Variants in SLC8A3 observed in about 807,000 individuals in gnomAD.
SLC8A3 encodes the protein sodium/calcium exchanger 3.
SLC8A3 carries 37 observed loss-of-function variants against 65.4 expected under a neutral mutation model. The observed-to-expected ratio is 0.57, with a 90% CI of 0.44 to 0.74. The LOEUF is 0.74. SLC8A3 is among the 30% of genes least tolerant of loss of function. The pLI is 0.00. For missense variants in SLC8A3, 1,112 were observed against 1,172.1 expected (o/e 0.95, Z 0.75); for synonymous variants, 461 against 444.5 (o/e 1.04, Z -0.47).
At chr14:70,176,942 G>T (rs1897944359) in intron 1 of SLC8A3, among the ~76,000 whole-genome samples, 2 of 152,068 alleles carry the variant, frequency 1.3e-5, no homozygotes, top group South Asian at 4.1e-4. Flanking sequence ...TGGCCTCTTT[G>T]TTCATTCACT....
chr14:70,156,771 G>T (rs1156324140), intron 2 of SLC8A3, among the ~76,000 whole-genome samples: 3 of 152,164 alleles, frequency 2.0e-5, no homozygotes, highest in Non-Finnish European at 4.4e-5. Flanking sequence ...GGGAGGGAGA[G>T]CCTCAGGAGT....
chr14:70,184,677 T>A (rs572974982), intron 1 of SLC8A3, among the ~76,000 whole-genome samples: 1 of 152,338 alleles, frequency 6.6e-6, no homozygotes, highest in East Asian at 1.9e-4. Context: ...TCTACTGGCA[T>A]AAATCACTTT....
chr14:70,060,702 AG>A, intron 3 of SLC8A3, 133 bp downstream of exon 3: 1 of 765,156 alleles, frequency 1.3e-6, no homozygotes. Flanking sequence ...TTGGTCAAAA[AG>A]AGAAAGGAGG....
rs1489198916 is a variant in SLC8A3, at chr14:70,044,452, T to G, written c.*1495A>C. 7.1e-6 allele frequency: 1 copy of G among 141,486 alleles called. No homozygotes were observed. Among genetic ancestry groups the G allele is most frequent in the African/African-American group, 2.6e-5 (1 of 38,494 alleles). The allele number at this position is 141,486 out of a possible 1,614,324, so 8.8% of individuals were successfully genotyped here. A position where few individuals can be genotyped will look rare whatever the true frequency, so the allele number is the denominator to read the frequency against. ...ATCCGTGGGCAGTTTCGTGATGACA[T>G]CTTATGTCTGTTTATTTGTGTGTTT... On this transcript the variant is annotated 3_prime_UTR_variant, in exon 7 of 7. Coordinates refer to ENST00000356921, the MANE Select transcript of SLC8A3 (RefSeq NM_182932.3).
rs1886849800 is a variant in SLC8A3 at position 70,046,849 on chromosome 14, G to A, written c.2390-526C>T. Reference sequence around the variant, plus strand: ...ATGGGGACATGCAGGGTGAACTGTGGACTCAAGGAAGACGGGGCTCTGTCT... The same window carrying A: ...ATGGGGACATGCAGGGTGAACTGTGAACTCAAGGAAGACGGGGCTCTGTCT... On this transcript the variant is annotated intron_variant, in intron 6 of 6. Coordinates refer to ENST00000356921, the MANE Select transcript of SLC8A3 (RefSeq NM_182932.3). The surrounding 1 kb of genome is among the most constrained non-coding windows in gnomAD (Gnocchi z 4.2). The A allele has an allele frequency of 6.5e-6, 1 of 154,686 alleles. No individual in the cohort carries two copies. The highest frequency in any genetic ancestry group is 2.4e-5 in the African/African-American group (1 of 41,442). 9.6% of individuals were successfully genotyped at this position (154,686 alleles called of 1,614,324 possible).
chr14:70,126,231 A>G (rs1894432877), intron 2 of SLC8A3, among the ~76,000 whole-genome samples: 1 of 150,744 alleles, frequency 6.6e-6, no homozygotes. Context: ...CAATCAAAAC[A>G]TTGCTTCTTC....
rs1353950876 is a variant in SLC8A3, at chr14:70,045,347, TTC to T, written c.*598_*599del. Reference sequence around the variant, plus strand: ...AGAGCATGTGTCTAAAAATTCATGTTTCTCTCTGTTGGCTCGGACCTGGAATT... The same window carrying T: ...AGAGCATGTGTCTAAAAATTCATGTTTCTCTGTTGGCTCGGACCTGGAATT... On this transcript the variant is annotated 3_prime_UTR_variant, in exon 7 of 7. Coordinates refer to ENST00000356921, the MANE Select transcript of SLC8A3 (RefSeq NM_182932.3). 3.3e-5 allele frequency: 5 copies of T among 152,158 alleles called. No individual in the cohort carries two copies. Among genetic ancestry groups the T allele is most frequent in the African/African-American group, 9.7e-5 (4 of 41,412 alleles). The allele number at this position is 152,158 out of a possible 1,614,324, so 9.4% of individuals were successfully genotyped here. A position where few individuals can be genotyped will look rare whatever the true frequency, so the allele number is the denominator to read the frequency against.
At position 70,167,305 on chromosome 14, in the gene SLC8A3, G is replaced by A; in HGVS notation, c.1118C>T (p.Ala373Val). 1 of 1,614,180 alleles carries A rather than the reference G, an allele frequency of 6.2e-7. No homozygotes were observed. Among genetic ancestry groups the A allele is most frequent in the Non-Finnish European group, 8.5e-7 (1 of 1,180,022 alleles). ...TGAGNILKKH[A>V]AEQAKKASSM... ...GGAGGCCTTCTTGGCTTGTTCTGCT[G>A]CATGTTTCTTCAGGATATTGCCTGC... Residue 373 changes from alanine to valine, a missense_variant, in exon 2 of 7, where the codon GCA becomes GTA. Ala to Val is a moderately conservative substitution (Grantham distance 64). Coordinates refer to ENST00000356921, the MANE Select transcript of SLC8A3 (RefSeq NM_182932.3).
At chr14:70,089,794 A>G (rs568413234) in intron 2 of SLC8A3, among the ~76,000 whole-genome samples, 6 of 151,980 alleles carry the variant, frequency 3.9e-5, no homozygotes, top group Non-Finnish European at 8.8e-5. Context: ...GCTTCTACCA[A>G]TTTTCCCCCA....
chr14:70,137,118 T>G (rs1189356784), intron 2 of SLC8A3, among the ~76,000 whole-genome samples: 1 of 152,076 alleles, frequency 6.6e-6, no homozygotes, highest in South Asian at 2.1e-4. Flanking sequence ...CTAGTTCATA[T>G]TGAGAATATT....
intron 2 of SLC8A3, among the ~76,000 whole-genome samples, chr14:70,147,729 G>A (rs1302864267): frequency 6.6e-6 from 1 of 152,050 alleles, no homozygotes; most frequent in African/African-American, 2.4e-5. Flanking sequence ...ACCTGACCTT[G>A]GAATCCACAC....
intron 2 of SLC8A3, among the ~76,000 whole-genome samples, chr14:70,145,561 C>G (rs1895873032): frequency 6.6e-6 from 1 of 152,218 alleles, no homozygotes; most frequent in Admixed American, 6.5e-5. Flanking sequence ...ACACAGGGTC[C>G]TGCTCCATTT....
chr14:70,127,871 G>C (rs957608544), intron 2 of SLC8A3, among the ~76,000 whole-genome samples: 1 of 152,022 alleles, frequency 6.6e-6, no homozygotes, highest in African/African-American at 2.4e-5. Context: ...CTCCCCTTTG[G>C]TAAGCTCATC....
intron 2 of SLC8A3, among the ~76,000 whole-genome samples, chr14:70,078,765 G>T (rs1890765453): frequency 2.6e-5 from 4 of 152,176 alleles, no homozygotes; most frequent in Admixed American, 1.3e-4. Context: ...AGTCTAGTTT[G>T]TTGGGTTTTA....
intron 2 of SLC8A3, among the ~76,000 whole-genome samples, chr14:70,078,347 C>T (rs1231200493): frequency 6.6e-6 from 1 of 152,194 alleles, no homozygotes; most frequent in East Asian, 1.9e-4. Flanking sequence ...GGTAGCAGAG[C>T]ATTAAAATTA....
At chr14:70,053,764 A>G (rs1460563979) in intron 3 of SLC8A3, among the ~76,000 whole-genome samples, 4 of 151,952 alleles carry the variant, frequency 2.6e-5, no homozygotes, top group African/African-American at 4.8e-5. Context: ...CAAATAACCA[A>G]TCCTCTATCT....
At chr14:70,163,993 T>A (rs552967454) in intron 2 of SLC8A3, among the ~76,000 whole-genome samples, 1 of 152,266 alleles carries the variant, frequency 6.6e-6, no homozygotes, top group South Asian at 2.1e-4. Flanking sequence ...TTACTTAGGG[T>A]CACACAAAGA....
intron 2 of SLC8A3, among the ~76,000 whole-genome samples, chr14:70,073,325 G>T (rs898750988): frequency 6.6e-6 from 1 of 152,002 alleles, no homozygotes. Flanking sequence ...CATATCAGTG[G>T]GTCTGTGAAG....
intron 1 of SLC8A3, among the ~76,000 whole-genome samples, chr14:70,175,391 T>C (rs910115539): frequency 6.6e-6 from 1 of 152,160 alleles, no homozygotes; most frequent in Non-Finnish European, 1.5e-5. Flanking sequence ...GCTGAGCAAG[T>C]GGCAAAGAGG....
Sources: gnomAD v4.1 joint callset for allele counts (sites outside exome capture counted in the v4.1 genomes callset) on GRCh38, gnomAD v4.1.1 for gene constraint, Gnocchi (gnomAD v3.1) non-coding constraint, MANE v1.5 for transcripts, NCBI Gene and HGNC (gene_info 2026-07-23, HGNC 2026-07-21) for gene names.